Variants in PUM2 observed in about 807,000 individuals in gnomAD.
PUM2 encodes the protein pumilio RNA binding family member 2.
PUM2 carries 57 observed loss-of-function variants against 124.5 expected under a neutral mutation model. That is an observed-to-expected ratio of 0.46 (90% CI 0.37 to 0.57). The LOEUF is 0.57. Among genes scored for constraint, PUM2 ranks in the 20% least tolerant of loss-of-function variants. The pLI is 0.00. For synonymous variants in PUM2, 460 were observed against 446.1 expected, an observed-to-expected ratio of 1.03 and a Z score of -0.39; for missense variants, 1,065 against 1,290.6, an observed-to-expected ratio of 0.83 and a Z score of 2.68.
intron 15 of PUM2, 35 bp downstream of exon 15, chr2:20,260,302 G>T: frequency 1.1e-5 from 17 of 1,572,230 alleles, no homozygotes; most frequent in Non-Finnish European, 1.5e-5. Context: ...ACAACAGCTG[G>T]ATGGGCGGAT....
At chr2:20,284,337 C>A (rs1215502321) in intron 10 of PUM2, among the ~76,000 whole-genome samples, 1 of 152,154 alleles carries the variant, frequency 6.6e-6, no homozygotes, top group African/African-American at 2.4e-5. Flanking sequence ...TTACAACTAT[C>A]AGCAAAACAT....
chr2:20,309,286 T>C (rs1199133954), intron 5 of PUM2, among the ~76,000 whole-genome samples: 1 of 152,128 alleles, frequency 6.6e-6, no homozygotes, highest in Admixed American at 6.6e-5. Flanking sequence ...AAAGCAACTA[T>C]TTATGAAAGC....
At chr2:20,265,238 C>A (rs1052494771) in intron 13 of PUM2, among the ~76,000 whole-genome samples, 1 of 143,698 alleles carries the variant, frequency 7.0e-6, no homozygotes, top group South Asian at 2.2e-4. Flanking sequence ...GGTGCCAGAG[C>A]GAAACCGTCA....
intron 10 of PUM2, among the ~76,000 whole-genome samples, chr2:20,286,371 G>T (rs190100428): frequency 6.6e-6 from 1 of 152,240 alleles, no homozygotes; most frequent in East Asian, 1.9e-4. Flanking sequence ...AGTAGTCAAG[G>T]ATTCCCCTTA....
At chr2:20,272,679 G>A (rs1447472978) in intron 13 of PUM2, among the ~76,000 whole-genome samples, 2 of 152,080 alleles carry the variant, frequency 1.3e-5, no homozygotes, top group Admixed American at 1.3e-4. Flanking sequence ...TTTTGCATCA[G>A]CTTATCAATT....
chr2:20,300,281 C>T (rs920677769), intron 7 of PUM2, among the ~76,000 whole-genome samples: 1 of 152,150 alleles, frequency 6.6e-6, no homozygotes, highest in Non-Finnish European at 1.5e-5. Context: ...TCCCGAGTAG[C>T]TGGGATTACA....
At chr2:20,255,421 T>G in intron 17 of PUM2, 80 bp from the exon 18 acceptor site, 2 of 1,441,004 alleles carry the variant, frequency 1.4e-6, no homozygotes, top group South Asian at 2.5e-5. Flanking sequence ...GTTTGTTTTT[T>G]TTTTTTTTGA....
chr2:20,311,435 C>A (rs1224412309), intron 5 of PUM2, 59 bp downstream of exon 5: 4 of 1,470,804 alleles, frequency 2.7e-6, no homozygotes, highest in Non-Finnish European at 3.7e-6. Flanking sequence ...GTCACATCAA[C>A]TAATAGTAAT....
At chr2:20,271,964 G>A (rs1669112558) in intron 13 of PUM2, among the ~76,000 whole-genome samples, 1 of 152,130 alleles carries the variant, frequency 6.6e-6, no homozygotes, top group South Asian at 2.1e-4. Flanking sequence ...TTCAAGACCA[G>A]CCTGACCAAC....
intron 6 of PUM2, 87 bp downstream of exon 6, chr2:20,308,227 T>C: frequency 6.6e-7 from 1 of 1,507,370 alleles, no homozygotes; most frequent in South Asian, 1.3e-5. Flanking sequence ...CAAAAACCCC[T>C]ACCATTCTTT....
intron 13 of PUM2, among the ~76,000 whole-genome samples, chr2:20,274,249 G>T (rs1467580131): frequency 6.6e-6 from 1 of 152,076 alleles, no homozygotes; most frequent in Admixed American, 6.6e-5. Flanking sequence ...CAGTTACAGA[G>T]AACTGTAACT....
At chr2:20,275,499 A>G (rs1478099416) in intron 13 of PUM2, among the ~76,000 whole-genome samples, 1 of 152,158 alleles carries the variant, frequency 6.6e-6, no homozygotes, top group African/African-American at 2.4e-5. Context: ...TGAATAAAGA[A>G]TGACACAATT....
intron 10 of PUM2, among the ~76,000 whole-genome samples, chr2:20,288,544 T>C (rs1040701829): frequency 2.0e-5 from 3 of 151,630 alleles, no homozygotes; most frequent in Admixed American, 6.6e-5. Context: ...CACAGTGGGG[T>C]TGAAAGGAAG....
chr2:20,251,712 C>T lies in PUM2; in HGVS notation c.3068G>A (p.Arg1023Gln), dbSNP rs373056312. The T allele has an allele frequency of 1.2e-6, 2 of 1,610,742 alleles. No homozygotes were observed. Among genetic ancestry groups the T allele is most frequent in the South Asian group, 2.2e-5 (2 of 90,114 alleles). The stretch of plus-strand genomic sequence containing the variant: ...TTTGCGCAAAGTAGTAATGTGAGGT[C>T]GAATCTGAAAAACAAATAATCTGCT... ...AQRKIIMHKIRPHITTLRKYT... is the reference protein window; with the variant it reads ...AQRKIIMHKIQPHITTLRKYT... Residue 1023 changes from arginine to glutamine, a missense_variant, in exon 21 of 21, where the codon CGA becomes CAA. Transcript: ENST00000361078.
At chr2:20,256,272 T>C (rs1664738322) in intron 16 of PUM2, 102 bp from the exon 17 acceptor site, 1 of 1,093,668 alleles carries the variant, frequency 9.1e-7, no homozygotes, top group East Asian at 3.2e-5. Context: ...AATCTCAGTA[T>C]ATTTATCTCA....
intron 18 of PUM2, 95 bp downstream of exon 18, chr2:20,255,121 T>C: frequency 6.8e-7 from 1 of 1,478,050 alleles, no homozygotes; most frequent in African/African-American, 1.4e-5. Flanking sequence ...CTCACTCTTG[T>C]CTATAGTGTG....
At chr2:20,300,999 T>C (rs1676838110) in intron 7 of PUM2, among the ~76,000 whole-genome samples, 1 of 152,206 alleles carries the variant, frequency 6.6e-6, no homozygotes, top group Non-Finnish European at 1.5e-5. Context: ...CTCAAAAGAA[T>C]GCAATCATTT....
chr2:20,336,141 C>A (rs1211355279), intron 1 of PUM2, among the ~76,000 whole-genome samples: 3 of 152,136 alleles, frequency 2.0e-5, no homozygotes, highest in African/African-American at 7.2e-5. Flanking sequence ...ATGAAGATGA[C>A]AAGCTTTAGA....
chr2:20,290,880 C>G (rs1673904265), intron 9 of PUM2, 90 bp from the exon 10 acceptor site: 10 of 1,058,172 alleles, frequency 9.5e-6, no homozygotes, highest in Non-Finnish European at 1.3e-5. Context: ...TTACAAACAG[C>G]CTTTGGATAT....
Sources: gnomAD v4.1 joint callset for allele counts (sites outside exome capture counted in the v4.1 genomes callset) on GRCh38, gnomAD v4.1.1 for gene constraint, MANE v1.5 for transcripts, NCBI Gene and HGNC (gene_info 2026-07-23, HGNC 2026-07-21) for gene names.